Variants in HSF2BP observed in about 807,000 individuals in gnomAD.
The protein encoded by HSF2BP is heat shock transcription factor 2 binding protein.
A neutral mutation model predicts 35.0 loss-of-function variants in HSF2BP; 35 were observed. The ratio of observed to expected loss-of-function variants is 1.00; its 90% CI spans 0.76 to 1.32. HSF2BP has a LOEUF of 1.32. HSF2BP is among the 40% of genes most tolerant of loss of function. HSF2BP has a pLI of 0.00. For synonymous variants in HSF2BP, 114 were observed against 117.4 expected (o/e 0.97, Z 0.18); for missense variants, 326 against 321.7 (o/e 1.01, Z -0.10).
intron 7 of HSF2BP, among the ~76,000 whole-genome samples, chr21:43,601,298 C>T (rs1209553058): frequency 6.6e-6 from 1 of 152,198 alleles, no homozygotes. Flanking sequence ...AGCTTGTAAT[C>T]ATCAGACTGT....
At chr21:43,598,312 C>T (rs1361337118) in intron 7 of HSF2BP, among the ~76,000 whole-genome samples, 1 of 152,016 alleles carries the variant, frequency 6.6e-6, no homozygotes, top group Non-Finnish European at 1.5e-5. Context: ...TCCAGCAATT[C>T]TCCTGCCTCA....
At chr21:43,574,967 G>T (rs2081624046) in intron 8 of HSF2BP, among the ~76,000 whole-genome samples, 2 of 152,130 alleles carry the variant, frequency 1.3e-5, no homozygotes, top group African/African-American at 4.8e-5. Context: ...CCACTCCCAG[G>T]CCTGACAGAA....
intron 6 of HSF2BP, 138 bp from the exon 7 acceptor site, chr21:43,614,085 TA>T (rs2082242143): frequency 1.5e-5 from 10 of 678,360 alleles, no homozygotes; most frequent in Admixed American, 8.5e-5. Context: ...ATGAAATTGC[TA>T]GGCATGGTTG....
Position 43,658,256 on chromosome 21 carries a change from A to C in HSF2BP, c.-160T>G. The C allele has an allele frequency of 1.2e-6, 1 of 824,056 alleles. No homozygotes were observed. The highest frequency in any genetic ancestry group is 1.8e-5 in the African/African-American group (1 of 55,714). The allele number at this position is 824,056 out of a possible 1,614,324, so 51.0% of individuals were successfully genotyped here. On this transcript the variant is annotated 5_prime_UTR_variant, in exon 2 of 9. Coordinates refer to ENST00000291560, the MANE Select transcript of HSF2BP (RefSeq NM_007031.2). ...CGCAGTATTCTCGGCCTAGAGAGCGAGGAGTGGCCTTGGCGAGGTCCCTCT... is the reference window on the plus strand; with the variant it reads ...CGCAGTATTCTCGGCCTAGAGAGCGCGGAGTGGCCTTGGCGAGGTCCCTCT...
In HSF2BP at chr21:43,597,273, A is replaced by G. The variant is rs1182195246; in HGVS notation, c.693-4945T>C. Among the ~76,000 whole-genome samples, 1 of 152,154 alleles carries G rather than the reference A, an allele frequency of 6.6e-6. No individual in the cohort carries two copies. Among genetic ancestry groups the G allele is most frequent in the African/African-American group, 2.4e-5 (1 of 41,434 alleles). ...AAGCTGACAGCCAGCTAGGACACACATAATTCCCTTCAGGAAAAGATAACA... is the reference window on the plus strand; with the variant it reads ...AAGCTGACAGCCAGCTAGGACACACGTAATTCCCTTCAGGAAAAGATAACA... On this transcript the variant is annotated intron_variant, in intron 7 of 8. Coordinates refer to ENST00000291560, the MANE Select transcript of HSF2BP (RefSeq NM_007031.2). The surrounding 1 kb of genome is among the most constrained non-coding windows in gnomAD (Gnocchi z 4.3).
chr21:43,574,924 C>T (rs1342618845), intron 8 of HSF2BP, among the ~76,000 whole-genome samples: 4 of 152,194 alleles, frequency 2.6e-5, no homozygotes, highest in Non-Finnish European at 4.4e-5. Flanking sequence ...CCATGGCAGA[C>T]ACACAGCTCA....
chr21:43,599,084 T>G lies in HSF2BP; in HGVS notation c.693-6756A>C, dbSNP rs75236319. ...AGCAAAGCTAGCATCTGGTAATAACTGTAATACAGGGAAACCTTCTGAAAA... is the reference window on the plus strand; with the variant it reads ...AGCAAAGCTAGCATCTGGTAATAACGGTAATACAGGGAAACCTTCTGAAAA... On this transcript the variant is annotated intron_variant, in intron 7 of 8. Coordinates refer to ENST00000291560, the MANE Select transcript of HSF2BP (RefSeq NM_007031.2). Among the ~76,000 whole-genome samples the G allele has an allele frequency of 6.0e-4, 92 of 152,366 alleles. 3 individuals carry two copies. The East Asian group carries it at 0.018, about 29-fold the overall frequency.
At chr21:43,648,657 C>CA (rs1394459357) in intron 3 of HSF2BP, among the ~76,000 whole-genome samples, 2 of 152,230 alleles carry the variant, frequency 1.3e-5, no homozygotes, top group East Asian at 1.9e-4. Flanking sequence ...AGTAATAATC[C>CA]TTTTTTGGTG....
chr21:43,589,080 T>G (rs2081893699), intron 8 of HSF2BP, among the ~76,000 whole-genome samples: 1 of 152,186 alleles, frequency 6.6e-6, no homozygotes, highest in Non-Finnish European at 1.5e-5. Context: ...TATGCCAGTT[T>G]AAGACCCAAT....
intron 4 of HSF2BP, among the ~76,000 whole-genome samples, chr21:43,638,713 G>GTAAAGA (rs1404487793): frequency 6.6e-6 from 1 of 152,144 alleles, no homozygotes; most frequent in Non-Finnish European, 1.5e-5. Context: ...ATTCAACATA[G>GTAAAGA]TAAAGATATC....
At chr21:43,591,405 G>C (rs1022719925) in intron 8 of HSF2BP, among the ~76,000 whole-genome samples, 1 of 152,190 alleles carries the variant, frequency 6.6e-6, no homozygotes, top group African/African-American at 2.4e-5. Flanking sequence ...TGCTGTAATA[G>C]AGAATGGGAT....
chr21:43,604,318 A>G (rs1007274517), intron 7 of HSF2BP, among the ~76,000 whole-genome samples: 6 of 122,840 alleles, frequency 4.9e-5, no homozygotes, highest in African/African-American at 1.9e-4. Flanking sequence ...ACAAACCACA[A>G]ACACACCACA....
intron 8 of HSF2BP, among the ~76,000 whole-genome samples, chr21:43,571,925 G>A (rs2081582899): frequency 6.6e-6 from 1 of 151,606 alleles, no homozygotes; most frequent in African/African-American, 2.4e-5. Context: ...AGCGGGGAGA[G>A]AGAGGGCTGA....
At chr21:43,621,235 A>G (rs112486095) in intron 6 of HSF2BP, among the ~76,000 whole-genome samples, 29 of 152,330 alleles carry the variant, frequency 1.9e-4, no homozygotes, top group African/African-American at 7.0e-4. Flanking sequence ...AACAGAAACT[A>G]TACAAGCCAG....
At chr21:43,574,999 G>A (rs968269498) in intron 8 of HSF2BP, among the ~76,000 whole-genome samples, 16 of 152,252 alleles carry the variant, frequency 1.1e-4, no homozygotes, top group Middle Eastern at 3.4e-3. Flanking sequence ...CACCGCATGC[G>A]CACAGGCAAC....
rs1392699513 is a variant in HSF2BP, at chr21:43,656,722, CTT to C, written c.50_51del (p.Lys17ArgfsTer5). The part of the protein sequence containing the change: ...AEEACRHMGT[K>X]EEFVKVRKKD... ...TTCTTTCTGACTTTAACAAATTCCTCTTTAGTTCCCATGTGCTAAAAGAACAA... is the reference window on the plus strand; with the variant it reads ...TTCTTTCTGACTTTAACAAATTCCTCTAGTTCCCATGTGCTAAAAGAACAA... On this transcript the variant is annotated frameshift_variant, in exon 3 of 9. Coordinates refer to ENST00000291560, the MANE Select transcript of HSF2BP (RefSeq NM_007031.2). LOFTEE classifies it high-confidence loss of function. 2 of 1,612,872 alleles carry C rather than the reference CTT, an allele frequency of 1.2e-6. No individual in the cohort carries two copies. The highest frequency in any genetic ancestry group is 1.7e-6 in the Non-Finnish European group (2 of 1,179,688).
intron 8 of HSF2BP, among the ~76,000 whole-genome samples, chr21:43,579,747 T>C (rs1426231980): frequency 6.6e-6 from 1 of 152,236 alleles, no homozygotes; most frequent in Admixed American, 6.5e-5. Flanking sequence ...CAAATGCTTC[T>C]CTTCACTCTT....
chr21:43,619,717 C>A (rs986125538), intron 6 of HSF2BP, among the ~76,000 whole-genome samples: 2 of 152,236 alleles, frequency 1.3e-5, no homozygotes, highest in South Asian at 2.1e-4. Context: ...CTGCTTCAAC[C>A]CATGGGAACC....
intron 7 of HSF2BP, among the ~76,000 whole-genome samples, chr21:43,605,460 GC>G (rs1224975791): frequency 1.1e-5 from 1 of 94,504 alleles, no homozygotes; most frequent in Non-Finnish European, 2.0e-5. Flanking sequence ...CACATATGCA[GC>G]CCACACACCC....
Sources: allele counts gnomAD v4.1 joint callset (sites outside exome capture counted in the v4.1 genomes callset), GRCh38; gene constraint gnomAD v4.1.1; non-coding constraint Gnocchi (gnomAD v3.1); transcripts MANE v1.5; gene names NCBI Gene and HGNC (gene_info 2026-07-23, HGNC 2026-07-21).